The following PDE1A variants were observed in gnomAD, a reference collection of about 807,000 sequenced individuals.
PDE1A encodes phosphodiesterase 1A.
In PDE1A, 35 loss-of-function variants were observed where a neutral mutation model predicts 61.7. That is an observed-to-expected ratio of 0.57 (90% CI 0.43 to 0.75). PDE1A has a LOEUF of 0.75. PDE1A is among the 30% of genes least tolerant of loss of function. The probability of loss-of-function intolerance (pLI) is 0.00; values close to 1 mark genes in which losing one functional copy is unlikely to be tolerated. For synonymous variants in PDE1A, 232 were observed against 213.2 expected, an observed-to-expected ratio of 1.09 and a Z score of -0.77; for missense variants, 597 against 630.6, an observed-to-expected ratio of 0.95 and a Z score of 0.57.
At chr2:182,593,754 CTG>C in the PDE1A span, among the ~76,000 whole-genome samples, 2 of 152,310 alleles carry the variant, frequency 1.3e-5, no homozygotes, top group South Asian at 4.1e-4. Flanking sequence ...AGGACAGGGA[CTG>C]TGTCATCTGC....
chr2:182,347,790 T>C (rs764636538), intron 1 of PDE1A, among the ~76,000 whole-genome samples: 2 of 152,124 alleles, frequency 1.3e-5, no homozygotes, highest in Non-Finnish European at 2.9e-5. Flanking sequence ...AACAAAGCAC[T>C]ATGTGAGCAC....
intron 1 of PDE1A, among the ~76,000 whole-genome samples, chr2:182,380,588 T>A (rs887529923): frequency 6.6e-6 from 1 of 152,252 alleles, no homozygotes; most frequent in Admixed American, 6.5e-5. Flanking sequence ...AATGGATCTT[T>A]TGAAAGAGTC....
At chr2:182,240,082 G>A (rs529597971) in intron 3 of PDE1A, 28 bp downstream of exon 3, 3 of 1,597,244 alleles carry the variant, frequency 1.9e-6, no homozygotes, top group Admixed American at 1.7e-5. Flanking sequence ...AAATGTTACT[G>A]TCTTGAGATA....
At chr2:182,406,144 C>T (rs1313486626) in intron 1 of PDE1A, among the ~76,000 whole-genome samples, 1 of 151,968 alleles carries the variant, frequency 6.6e-6, no homozygotes, top group Non-Finnish European at 1.5e-5. Flanking sequence ...CTCACTTCAA[C>T]TGTATATAGC....
At chr2:182,688,685 C>A in the PDE1A span, among the ~76,000 whole-genome samples, 1 of 152,152 alleles carries the variant, frequency 6.6e-6, no homozygotes, top group South Asian at 2.1e-4. Context: ...ACAATACTAA[C>A]CTTAAATGTA....
the PDE1A span, among the ~76,000 whole-genome samples, chr2:182,546,011 T>A: frequency 6.6e-6 from 1 of 152,218 alleles, no homozygotes; most frequent in Admixed American, 6.5e-5. Context: ...ATAGAGTTAG[T>A]GGAGAATAAC....
At chr2:182,473,993 G>T (rs1383623058) in intron 2 of PDE1A, among the ~76,000 whole-genome samples, 2 of 151,862 alleles carry the variant, frequency 1.3e-5, no homozygotes, top group Non-Finnish European at 2.9e-5. Flanking sequence ...TATTCCTTTG[G>T]GTATATACCC....
chr2:182,587,888 G>T, the PDE1A span, among the ~76,000 whole-genome samples: 2 of 152,288 alleles, frequency 1.3e-5, no homozygotes, highest in Middle Eastern at 3.4e-3. Context: ...CACAACTAAA[G>T]AAGACATTTA....
At chr2:182,422,588 A>C (rs954698078) in intron 1 of PDE1A, among the ~76,000 whole-genome samples, 2 of 152,248 alleles carry the variant, frequency 1.3e-5, no homozygotes, top group African/African-American at 2.4e-5. Flanking sequence ...TTACTAAGCA[A>C]GATGAGTATG....
At chr2:182,420,697 C>T (rs1322787356) in intron 1 of PDE1A, among the ~76,000 whole-genome samples, 3 of 152,092 alleles carry the variant, frequency 2.0e-5, no homozygotes, top group Non-Finnish European at 4.4e-5. Flanking sequence ...AAACACTAAA[C>T]GTGGATACCA....
intron 1 of PDE1A, among the ~76,000 whole-genome samples, chr2:182,365,132 A>G (rs564381134): frequency 9.9e-5 from 15 of 152,124 alleles, no homozygotes; most frequent in African/African-American, 3.6e-4. Context: ...TCAATTTATG[A>G]GTAGGGTGTT....
chr2:182,367,022 C>T (rs1317695433), intron 1 of PDE1A, among the ~76,000 whole-genome samples: 2 of 151,980 alleles, frequency 1.3e-5, no homozygotes, highest in Non-Finnish European at 2.9e-5. Context: ...TCTTGACCAT[C>T]TTTCTTCAAA....
chr2:182,569,539 A>G, the PDE1A span, among the ~76,000 whole-genome samples: 1 of 152,144 alleles, frequency 6.6e-6, no homozygotes, highest in African/African-American at 2.4e-5. Context: ...AAAGAAGAGC[A>G]AACTTCCTCT....
At chr2:182,460,941 GA>G in intron 2 of PDE1A, among the ~76,000 whole-genome samples, 1 of 152,170 alleles carries the variant, frequency 6.6e-6, no homozygotes, top group Admixed American at 6.5e-5. Flanking sequence ...GTATTACAAG[GA>G]AAACAAAAGG....
intron 1 of PDE1A, among the ~76,000 whole-genome samples, chr2:182,356,706 C>T (rs1699201694): frequency 1.3e-5 from 2 of 152,026 alleles, no homozygotes; most frequent in African/African-American, 4.8e-5. Context: ...TGCACTCCAG[C>T]CTGAACGATA....
chr2:182,165,737 C>A (rs1691622098), downstream of PDE1A, among the ~76,000 whole-genome samples: 1 of 152,154 alleles, frequency 6.6e-6, no homozygotes, highest in Admixed American at 6.6e-5. Context: ...ATACCATATA[C>A]AGCCATGTGG....
chr2:182,296,936 C>T (rs187950115), intron 1 of PDE1A, among the ~76,000 whole-genome samples: 2 of 152,256 alleles, frequency 1.3e-5, no homozygotes, highest in African/African-American at 2.4e-5. Context: ...TCTTCTCCTG[C>T]CATTGGTCAA....
chr2:182,462,732 C>T (rs947689492), intron 2 of PDE1A, among the ~76,000 whole-genome samples: 6 of 151,996 alleles, frequency 3.9e-5, no homozygotes, highest in African/African-American at 7.2e-5. Context: ...CCCTCCCCAA[C>T]AAGAAATGCT....
At chr2:182,641,453 T>G in the PDE1A span, among the ~76,000 whole-genome samples, 2 of 152,186 alleles carry the variant, frequency 1.3e-5, no homozygotes, top group Non-Finnish European at 2.9e-5. Flanking sequence ...TGTCCAAAAC[T>G]TTGGGTATTT....
Sources: allele counts gnomAD v4.1 joint callset (sites outside exome capture counted in the v4.1 genomes callset), GRCh38; gene constraint gnomAD v4.1.1; transcripts MANE v1.5; gene names NCBI Gene and HGNC (gene_info 2026-07-23, HGNC 2026-07-21).